The following CDH18 variants were observed in gnomAD, a reference collection of about 807,000 sequenced individuals.
CDH18 encodes cadherin 18, also known as cadherin-18.
In CDH18, 31 loss-of-function variants were observed where a neutral mutation model predicts 67.9. The observed-to-expected ratio is 0.46, with a 90% confidence interval of 0.34 to 0.62. CDH18 has a LOEUF of 0.62. Among genes scored for constraint, CDH18 ranks in the 20% least tolerant of loss-of-function variants. The probability of loss-of-function intolerance (pLI) is 0.01; values close to 1 mark genes in which losing one functional copy is unlikely to be tolerated. For missense variants in CDH18, 890 were observed against 975.5 expected, an observed-to-expected ratio of 0.91 and a Z score of 1.17; for synonymous variants, 362 against 347.2, an observed-to-expected ratio of 1.04 and a Z score of -0.48.
At chr5:20,347,734 G>A (rs905962725) in intron 1 of CDH18, among the ~76,000 whole-genome samples, 1 of 152,278 alleles carries the variant, frequency 6.6e-6, no homozygotes, top group African/African-American at 2.4e-5. Context: ...TTTTGGTTAA[G>A]CATTCATGGG....
At chr5:20,069,627 G>A (rs1393155387) in intron 2 of CDH18, among the ~76,000 whole-genome samples, 1 of 152,106 alleles carries the variant, frequency 6.6e-6, no homozygotes, top group Non-Finnish European at 1.5e-5. Context: ...TGGCCCGGAT[G>A]GTCTTTATCT....
chr5:20,221,390 CAT>C (rs1401166927), intron 2 of CDH18, among the ~76,000 whole-genome samples: 4 of 151,972 alleles, frequency 2.6e-5, no homozygotes, highest in Admixed American at 6.6e-5. Context: ...TGTTTCCACT[CAT>C]GTGTGGAATC....
chr5:20,298,183 C>G (rs1199056737), intron 1 of CDH18, among the ~76,000 whole-genome samples: 2 of 152,076 alleles, frequency 1.3e-5, no homozygotes, highest in East Asian at 3.9e-4. Flanking sequence ...AAAAAGCAAA[C>G]TATCTATCTC....
intron 1 of CDH18, among the ~76,000 whole-genome samples, chr5:20,262,219 G>T (rs2126636295): frequency 6.6e-6 from 1 of 152,258 alleles, no homozygotes; most frequent in Admixed American, 6.5e-5. Flanking sequence ...CCATAAATTG[G>T]GAGAGAATTT....
At chr5:19,854,880 C>T (rs1452393562) in intron 2 of CDH18, among the ~76,000 whole-genome samples, 6 of 150,864 alleles carry the variant, frequency 4.0e-5, no homozygotes, top group Non-Finnish European at 5.9e-5. Flanking sequence ...TCCCCCTCCC[C>T]CCACTATCCT....
intron 3 of CDH18, among the ~76,000 whole-genome samples, chr5:19,764,042 C>A (rs1772734663): frequency 6.9e-6 from 1 of 143,892 alleles, no homozygotes; most frequent in African/African-American, 2.5e-5. Context: ...GTGGCAGATG[C>A]CTGTAATCCC....
intron 2 of CDH18, among the ~76,000 whole-genome samples, chr5:20,023,425 C>CAA: frequency 6.6e-6 from 1 of 151,734 alleles, no homozygotes; most frequent in Non-Finnish European, 1.5e-5. Flanking sequence ...ATTTATAGGC[C>CAA]GAGGCGGGCG....
intron 2 of CDH18, among the ~76,000 whole-genome samples, chr5:20,231,098 T>C (rs1288438562): frequency 6.6e-6 from 1 of 152,206 alleles, no homozygotes; most frequent in African/African-American, 2.4e-5. Flanking sequence ...CCACTGCTAC[T>C]ATACGTTGAA....
chr5:19,496,743 C>T (rs1742398074), intron 11 of CDH18, among the ~76,000 whole-genome samples: 1 of 133,870 alleles, frequency 7.5e-6, no homozygotes, highest in South Asian at 2.5e-4. Context: ...ACCTGAGAGG[C>T]GGAGGTTTCA....
At chr5:19,505,431 T>C (rs920412046) in intron 10 of CDH18, among the ~76,000 whole-genome samples, 1 of 152,184 alleles carries the variant, frequency 6.6e-6, no homozygotes, top group Non-Finnish European at 1.5e-5. Flanking sequence ...TTTTGCCCAT[T>C]CAGTATGAGA....
chr5:20,389,852 A>C (rs1744680276), intron 1 of CDH18, among the ~76,000 whole-genome samples: 1 of 152,178 alleles, frequency 6.6e-6, no homozygotes, highest in Non-Finnish European at 1.5e-5. Flanking sequence ...CAACTATCTG[A>C]TCTTTGACAA....
intron 2 of CDH18, among the ~76,000 whole-genome samples, chr5:20,082,901 A>G (rs778978489): frequency 6.6e-6 from 1 of 152,184 alleles, no homozygotes; most frequent in Non-Finnish European, 1.5e-5. Context: ...CAGAGGAATC[A>G]ACCCTGCCAG....
chr5:19,666,347 A>G (rs755655674), intron 5 of CDH18, among the ~76,000 whole-genome samples: 15 of 150,914 alleles, frequency 9.9e-5, no homozygotes, highest in Non-Finnish European at 2.1e-4. Flanking sequence ...GGCTCAAGCA[A>G]TCCTCCTGCT....
At chr5:20,024,574 T>C (rs1297609609) in intron 2 of CDH18, among the ~76,000 whole-genome samples, 1 of 152,208 alleles carries the variant, frequency 6.6e-6, no homozygotes, top group Non-Finnish European at 1.5e-5. Flanking sequence ...TGTGTAAATG[T>C]ATGGGCTTGT....
chr5:19,987,902 A>G (rs1799728640), intron 1 of CDH18, among the ~76,000 whole-genome samples, 184 bp downstream of exon 1: 1 of 152,160 alleles, frequency 6.6e-6, no homozygotes, highest in Non-Finnish European at 1.5e-5. Context: ...ATTCAAATGT[A>G]TACCAGCGAT....
At chr5:19,974,833 G>T (rs950562426) in intron 2 of CDH18, among the ~76,000 whole-genome samples, 5 of 152,234 alleles carry the variant, frequency 3.3e-5, no homozygotes, top group African/African-American at 1.2e-4. Context: ...CCAGGGTGCA[G>T]GGGGTGTGGG....
chr5:20,504,048 AAAAGAG>A (rs1315947518), intron 1 of CDH18, among the ~76,000 whole-genome samples: 10 of 151,946 alleles, frequency 6.6e-5, no homozygotes, highest in South Asian at 2.1e-4. Context: ...GAAAAAAAAA[AAAAGAG>A]AGAGAGAGAG....
At chr5:20,175,102 T>C (rs1424235690) in intron 2 of CDH18, among the ~76,000 whole-genome samples, 1 of 151,704 alleles carries the variant, frequency 6.6e-6, no homozygotes, top group Non-Finnish European at 1.5e-5. Flanking sequence ...ATAGTGTTAA[T>C]GAGAATCCGA....
intron 5 of CDH18, among the ~76,000 whole-genome samples, chr5:19,619,854 A>C (rs1168128438): frequency 2.0e-5 from 3 of 152,220 alleles, no homozygotes; most frequent in Non-Finnish European, 4.4e-5. Context: ...GTGATGGATT[A>C]AAACCTCAGA....
Sources: gnomAD v4.1 joint callset for allele counts (sites outside exome capture counted in the v4.1 genomes callset) on GRCh38, gnomAD v4.1.1 for gene constraint, MANE v1.5 for transcripts, NCBI Gene and HGNC (gene_info 2026-07-23, HGNC 2026-07-21) for gene names.